URB1: variants seen among roughly 807,000 people sequenced by gnomAD.
URB1 encodes nucleolar pre-ribosomal-associated protein 1.
A neutral mutation model predicts 242.3 loss-of-function variants in URB1; 197 were observed. The ratio of observed to expected loss-of-function variants is 0.81; its 90% CI spans 0.72 to 0.91. The LOEUF (loss-of-function observed/expected upper bound fraction) is 0.91, where lower values mean the gene tolerates loss of function less well. Ranked by LOEUF, URB1 falls within the 40% of genes least tolerant of loss-of-function variation. The pLI is 0.00. For missense variants in URB1, 2,721 were observed against 2,860.5 expected (o/e 0.95, Z 1.11); for synonymous variants, 1,153 against 1,201.8 (o/e 0.96, Z 0.84).
chr21:32,321,696 G>A lies in URB1; in HGVS notation c.5484+105C>T, dbSNP rs966267906. On this transcript the variant is annotated intron_variant, in intron 34 of 38. Coordinates refer to ENST00000382751, the MANE Select transcript of URB1 (RefSeq NM_014825.3). ...ACTGAGAGCCAGGGTTAGGTCGGTC[G>A]TGTCCAGGCTGGGAACTGAATTCAT... 2.2e-5 allele frequency: 32 copies of A among 1,479,662 alleles called. No individual in the cohort carries two copies. In the East Asian group the frequency reaches 3.0e-4, roughly 14 times the overall value. 91.7% of individuals were successfully genotyped at this position (1,479,662 alleles called of 1,614,324 possible). A position where few individuals can be genotyped will look rare whatever the true frequency, so the allele number is the denominator to read the frequency against.
In URB1 at chr21:32,345,224, G is replaced by A. The variant is rs1448724896; in HGVS notation, c.4070+150C>T. On this transcript the variant is annotated intron_variant, in intron 23 of 38. Coordinates refer to ENST00000382751, the MANE Select transcript of URB1 (RefSeq NM_014825.3). ...GTGGAGATGTACAAGCTCCAGGCAGGATGGCTGGAAGTAGAGTTCTCATAG... is the reference window on the plus strand; with the variant it reads ...GTGGAGATGTACAAGCTCCAGGCAGAATGGCTGGAAGTAGAGTTCTCATAG... 6 of 860,366 alleles carry A rather than the reference G, an allele frequency of 7.0e-6. No homozygotes were observed. The African/African-American group carries it at 1.0e-4, about 15-fold the overall frequency. The allele number at this position is 860,366 out of a possible 1,614,324, so 53.3% of individuals were successfully genotyped here.
chr21:32,383,035 C>T (rs1000434787), intron 4 of URB1, among the ~76,000 whole-genome samples: 2 of 152,172 alleles, frequency 1.3e-5, no homozygotes, highest in Non-Finnish European at 2.9e-5. Flanking sequence ...GGGCTTTCTC[C>T]GAGGTGGGCA....
At chr21:32,372,866 G>A (rs2033421379) in intron 7 of URB1, among the ~76,000 whole-genome samples, 2 of 152,206 alleles carry the variant, frequency 1.3e-5, no homozygotes, top group Non-Finnish European at 2.9e-5. Context: ...GCTTTAAAGT[G>A]ATCTAATTTC....
At position 32,383,382 on chromosome 21, in the gene URB1, G is replaced by A. The variant is rs1461933858; in HGVS notation, c.567+40C>T. The A allele has an allele frequency of 2.0e-6, 3 of 1,530,112 alleles. No homozygotes were observed. The African/African-American group carries it at 4.2e-5, about 21-fold the overall frequency. The allele number at this position is 1,530,112 out of a possible 1,614,324, so 94.8% of individuals were successfully genotyped here. On this transcript the variant is annotated intron_variant, in intron 4 of 38. Coordinates refer to ENST00000382751, the MANE Select transcript of URB1 (RefSeq NM_014825.3). ...AAACCACTACAGTCCTCCAAGGGAAGGAGACCCATGGAAGGCACGAGACAC... is the reference window on the plus strand; with the variant it reads ...AAACCACTACAGTCCTCCAAGGGAAAGAGACCCATGGAAGGCACGAGACAC...
At chr21:32,359,670 G>A (rs956800108) in intron 14 of URB1, 126 bp downstream of exon 14, 21 of 799,420 alleles carry the variant, frequency 2.6e-5, no homozygotes, top group Middle Eastern at 3.8e-4. Flanking sequence ...TCTCTAAAAT[G>A]AGAACTGTTA....
At chr21:32,319,142 A>G in intron 36 of URB1, 75 bp downstream of exon 36, 1 of 1,416,358 alleles carries the variant, frequency 7.1e-7, no homozygotes, top group East Asian at 2.6e-5. Flanking sequence ...TGACTGAGAC[A>G]TGGTGTCCAC....
intron 11 of URB1, 32 bp downstream of exon 11, chr21:32,363,124 G>A (rs749997577): frequency 1.2e-4 from 192 of 1,540,908 alleles, no homozygotes; most frequent in Non-Finnish European, 1.6e-4. Flanking sequence ...GTGAGGTCTG[G>A]AAGGAAAGCC....
Position 32,337,104 on chromosome 21 carries a change from T to C in URB1, c.4675A>G (p.Ile1559Val), listed in dbSNP as rs989138773. The C allele has an allele frequency of 2.6e-6, 4 of 1,551,742 alleles. No homozygotes were observed. Among genetic ancestry groups the C allele is most frequent in the Non-Finnish European group, 3.5e-6 (4 of 1,147,018 alleles). ...TAGCCCAACACTCACCTGAAGTTGA[T>C]GAGGCTGAGCTTGTTCTGCTCATAC... ...RAYEQNKLSL[I>V]NFRVLLWGPA... is the part of the protein sequence containing the mutation. Residue 1559 changes from isoleucine (I) to valine (V), a missense_variant, in exon 28 of 39, where the codon ATC becomes GTC. Transcript: ENST00000382751.
At chr21:32,355,854 G>A (rs1954965041) in intron 15 of URB1, among the ~76,000 whole-genome samples, 1 of 152,130 alleles carries the variant, frequency 6.6e-6, no homozygotes, top group Non-Finnish European at 1.5e-5. Flanking sequence ...CAAGTGATCT[G>A]CCTACCTTGG....
At chr21:32,378,335 T>C (rs1226899102) in intron 5 of URB1, 110 bp downstream of exon 5, 2 of 954,836 alleles carry the variant, frequency 2.1e-6, no homozygotes, top group Non-Finnish European at 3.2e-6. Context: ...CAATCTGGTG[T>C]ACACAGCAAC....
intron 20 of URB1, among the ~76,000 whole-genome samples, chr21:32,350,054 C>T (rs1461903142): frequency 2.8e-5 from 4 of 143,884 alleles, no homozygotes; most frequent in Non-Finnish European, 6.2e-5. Context: ...ACCCGGGAGG[C>T]AGAGGTTGCA....
chr21:32,324,368 G>A (rs2032802723), intron 32 of URB1, 123 bp downstream of exon 32: 1 of 759,594 alleles, frequency 1.3e-6, no homozygotes, highest in Non-Finnish European at 2.2e-6. Context: ...CCACAATCAT[G>A]AGCACGGAGT....
chr21:32,345,370 A>G lies in URB1; in HGVS notation c.4070+4T>C. 2 of 1,551,186 alleles carry G rather than the reference A, an allele frequency of 1.3e-6. No homozygotes were observed. Among genetic ancestry groups the G allele is most frequent in the Non-Finnish European group, 1.7e-6 (2 of 1,146,730 alleles). On this transcript the variant is annotated splice_donor_region_variant and intron_variant, in intron 23 of 38. Coordinates refer to ENST00000382751, the MANE Select transcript of URB1 (RefSeq NM_014825.3). ...CATCCTGCAACCAACCTGAGCCTTC[A>G]TACCTCTTGTGACTGCTTGGGGTGT...
At chr21:32,369,202 A>G (rs1271593926) in intron 8 of URB1, among the ~76,000 whole-genome samples, 1 of 152,048 alleles carries the variant, frequency 6.6e-6, no homozygotes, top group East Asian at 1.9e-4. Flanking sequence ...CTCTATTAAA[A>G]ACACAAAAAA....
chr21:32,355,677 C>T (rs775058472), intron 15 of URB1, 112 bp from the exon 16 acceptor site: 5 of 854,912 alleles, frequency 5.8e-6, no homozygotes, highest in South Asian at 1.5e-5. Flanking sequence ...GGCATGATCT[C>T]GGCTCACTGC....
rs2032581403 is a variant in URB1 at position 32,311,790 on chromosome 21, C to T, written c.*3128G>A. On this transcript the variant is annotated 3_prime_UTR_variant, in exon 39 of 39. Transcript: ENST00000382751. ...CCACAGGGAACCCCTGGCAACCTCA[C>T]AGGCTCAGGCGAGCTCAGTGGAGCC... 2 of 1,614,026 alleles carry T rather than the reference C, an allele frequency of 1.2e-6. No homozygotes were observed. Among genetic ancestry groups the T allele is most frequent in the African/African-American group, 1.3e-5 (1 of 74,932 alleles).
At chr21:32,316,282 A>G (rs1216594780) in intron 38 of URB1, among the ~76,000 whole-genome samples, 184 bp downstream of exon 38, 2 of 152,196 alleles carry the variant, frequency 1.3e-5, no homozygotes, top group Admixed American at 1.3e-4. Flanking sequence ...CCTTCCCTTC[A>G]CATTCACTGC....
At chr21:32,332,040 C>T (rs2282104) in intron 30 of URB1, among the ~76,000 whole-genome samples, 124,078 of 152,142 alleles carry the variant, frequency 0.82, 51,619 homozygotes, top group Admixed American at 0.89. Context: ...GCTGGGACCC[C>T]CATCTCAACC....
chr21:32,347,843 A>T (rs758490612), intron 21 of URB1, 32 bp from the exon 22 acceptor site: 56 of 1,520,146 alleles, frequency 3.7e-5, no homozygotes, highest in Non-Finnish European at 4.7e-5. Flanking sequence ...CAGACGTCAC[A>T]TAGAGCACAG....
Sources: gnomAD v4.1 joint callset for allele counts (sites outside exome capture counted in the v4.1 genomes callset) on GRCh38, gnomAD v4.1.1 for gene constraint, MANE v1.5 for transcripts, NCBI Gene and HGNC (gene_info 2026-07-23, HGNC 2026-07-21) for gene names.